Variants in AKR1C4 observed in about 807,000 individuals in gnomAD.
The protein encoded by AKR1C4 is aldo-keto reductase family 1 member C4.
A neutral mutation model predicts 41.0 loss-of-function variants in AKR1C4; 44 were observed. The observed-to-expected ratio is 1.07, with a 90% CI of 0.84 to 1.38. The LOEUF (loss-of-function observed/expected upper bound fraction) is 1.38, where lower values mean the gene tolerates loss of function less well. Among genes scored for constraint, AKR1C4 ranks in the 40% most tolerant of loss-of-function variants. AKR1C4 has a pLI of 0.00. For synonymous variants in AKR1C4, 165 were observed against 137.7 expected (o/e 1.20, Z -1.39); for missense variants, 438 against 387.9 (o/e 1.13, Z -1.09).
chr10:5,206,467 A>G, intron 5 of AKR1C4, 70 bp downstream of exon 5: 1 of 1,604,800 alleles, frequency 6.2e-7, no homozygotes, highest in Non-Finnish European at 8.5e-7. Flanking sequence ...CCTGGCTTCC[A>G]TTTGTTTTGT....
In AKR1C4 at chr10:5,202,934, TTCTTTTGTGTGTG is replaced by T. The variant is rs1331978350; in HGVS notation, c.253-1441_253-1429del. Among the ~76,000 whole-genome samples the T allele has an allele frequency of 1.2e-3, 114 of 98,232 alleles. 1 individual carries two copies. The highest frequency in any genetic ancestry group is 2.1e-3 in the Non-Finnish European group (95 of 45,764). 64.4% of individuals were successfully genotyped at this position (98,232 alleles called of 152,430 possible). On this transcript the variant is annotated intron_variant, in intron 2 of 8. Coordinates refer to ENST00000263126, the MANE Select transcript of AKR1C4 (RefSeq NM_001818.5). ...TCATCAGGGAGATTGGTCTATAGTT[TTCTTTTGTGTGTG>T]TGTGTGTGTGTGTGTGTGTGTGTGT...
intron 1 of AKR1C4, among the ~76,000 whole-genome samples, chr10:5,198,091 T>C (rs1400037317): frequency 6.6e-6 from 1 of 152,216 alleles, no homozygotes; most frequent in African/African-American, 2.4e-5. Flanking sequence ...GGTAGATAAG[T>C]CAATAATTTT....
Position 5,200,203 on chromosome 10 carries a change from A to G in AKR1C4, c.107A>G (p.Glu36Gly). Residue 36 changes from glutamate to glycine, a missense_variant, in exon 2 of 9, where the codon GAG becomes GGG. By Grantham distance (98) the Glu-to-Gly change is moderately conservative. Transcript: ENST00000263126. Reference sequence around the variant, plus strand: ...CAGGTTCCGAGGAACAGAGCTGTAGAGGTCACCAAATTAGCAATAGAAGCT... The same window carrying G: ...CAGGTTCCGAGGAACAGAGCTGTAGGGGTCACCAAATTAGCAATAGAAGCT... ...PPEVPRNRAV[E>G]VTKLAIEAGF... 3 of 1,613,964 alleles carry G rather than the reference A, an allele frequency of 1.9e-6. No individual in the cohort carries two copies. Among genetic ancestry groups the G allele is most frequent in the Non-Finnish European group, 2.5e-6 (3 of 1,179,860 alleles).
chr10:5,202,234 T>C (rs1832410386), intron 2 of AKR1C4, among the ~76,000 whole-genome samples: 1 of 152,166 alleles, frequency 6.6e-6, no homozygotes, highest in South Asian at 2.1e-4. Context: ...ATCTTTCATC[T>C]CTTTGGTTAA....
intron 2 of AKR1C4, among the ~76,000 whole-genome samples, chr10:5,203,021 T>TTC (rs1832426189): frequency 6.6e-6 from 1 of 151,346 alleles, no homozygotes; most frequent in Admixed American, 6.6e-5. Context: ...TGATACTGGC[T>TTC]TCATAGAATA....
At chr10:5,218,489 T>C (rs1462830293) in intron 8 of AKR1C4, among the ~76,000 whole-genome samples, 1 of 151,834 alleles carries the variant, frequency 6.6e-6, no homozygotes. Flanking sequence ...CCCTGTGTAG[T>C]TTGTGTGATA....
At position 5,209,036 on chromosome 10, in the gene AKR1C4, G is replaced by A. The variant is rs537558865; in HGVS notation, c.570+2639G>A. 3.3e-5 allele frequency among the ~76,000 whole-genome samples: 5 copies of A among 152,276 alleles called. No individual in the cohort carries two copies. The South Asian group carries it at 1.0e-3, about 32-fold the overall frequency. ...TACTTGAATGCTTTATATCATAGAA[G>A]TTAAACATTTTTGGTGAGAAACTGC... is the stretch of plus-strand genomic sequence containing the variant. On this transcript the variant is annotated intron_variant, in intron 5 of 8. Transcript: ENST00000263126.
chr10:5,205,865 G>A, intron 4 of AKR1C4, 31 bp downstream of exon 4: 5 of 1,594,046 alleles, frequency 3.1e-6, no homozygotes, highest in Non-Finnish European at 3.4e-6. Context: ...GTACAGAAAA[G>A]GAAGACAAGA....
intron 5 of AKR1C4, among the ~76,000 whole-genome samples, chr10:5,208,044 G>T (rs79860753): frequency 7.1e-6 from 1 of 141,258 alleles, no homozygotes; most frequent in Non-Finnish European, 1.5e-5. Flanking sequence ...TGCAAAGTTA[G>T]TGAAATAAAA....
intron 7 of AKR1C4, among the ~76,000 whole-genome samples, chr10:5,214,850 ATG>A (rs1832633205): frequency 6.6e-6 from 1 of 152,192 alleles, no homozygotes; most frequent in Non-Finnish European, 1.5e-5. Context: ...TATGTTAGCA[ATG>A]AGTGACATCT....
chr10:5,218,787 C>A lies in AKR1C4; in HGVS notation c.*27C>A. ...ATAGAGGGTGTTGCACGACATCTAG[C>A]AGAAGGCCCTGTGTGTGGATGGTGA... On this transcript the variant is annotated 3_prime_UTR_variant, in exon 9 of 9. Transcript: ENST00000263126. 1 of 1,589,278 alleles carries A rather than the reference C, an allele frequency of 6.3e-7. No individual in the cohort carries two copies. Among genetic ancestry groups the A allele is most frequent in the Non-Finnish European group, 8.6e-7 (1 of 1,157,684 alleles).
chr10:5,198,240 C>T (rs1006476629), intron 1 of AKR1C4, among the ~76,000 whole-genome samples: 6 of 152,010 alleles, frequency 3.9e-5, no homozygotes, highest in Non-Finnish European at 1.5e-5. Flanking sequence ...GTCTTTACTC[C>T]TAGTATTTAG....
chr10:5,215,161 TA>T (rs1832636888), intron 7 of AKR1C4, among the ~76,000 whole-genome samples: 1 of 152,176 alleles, frequency 6.6e-6, no homozygotes, highest in Non-Finnish European at 1.5e-5. Flanking sequence ...TTCATGTACT[TA>T]TAAGATTCGG....
intron 5 of AKR1C4, among the ~76,000 whole-genome samples, chr10:5,211,231 C>T (rs1429329709): frequency 6.6e-6 from 1 of 152,216 alleles, no homozygotes; most frequent in Non-Finnish European, 1.5e-5. Flanking sequence ...ACATTTGGCT[C>T]CTTGTTACTT....
At chr10:5,197,427 G>A (rs1832328129) in intron 1 of AKR1C4, among the ~76,000 whole-genome samples, 1 of 152,298 alleles carries the variant, frequency 6.6e-6, no homozygotes, top group East Asian at 1.9e-4. Context: ...GCTGCCGCGT[G>A]GTCTTGAGCA....
At chr10:5,214,787 C>T (rs1404060449) in intron 7 of AKR1C4, among the ~76,000 whole-genome samples, 1 of 151,578 alleles carries the variant, frequency 6.6e-6, no homozygotes, top group Non-Finnish European at 1.5e-5. Context: ...TATTCTTTTC[C>T]TCTCATTCTC....
chr10:5,210,050 C>G (rs117310669), intron 5 of AKR1C4, among the ~76,000 whole-genome samples: 16,905 of 152,254 alleles, frequency 0.11, 1,168 homozygotes, highest in Admixed American at 0.17. Context: ...AAGTTAGTTA[C>G]TTCCAGGATA....
At chr10:5,211,545 T>A (rs782055956) in intron 5 of AKR1C4, among the ~76,000 whole-genome samples, 2 of 152,216 alleles carry the variant, frequency 1.3e-5, no homozygotes, top group Non-Finnish European at 2.9e-5. Context: ...CATCTCCATC[T>A]GAGACCACCT....
At chr10:5,216,319 T>A (rs2225695) in intron 7 of AKR1C4, among the ~76,000 whole-genome samples, 148,813 of 152,318 alleles carry the variant, frequency 0.98, 72,792 homozygotes, top group Middle Eastern at 1. Flanking sequence ...GGGGAATTAC[T>A]TTTTAACATG....
Sources: gnomAD v4.1 joint callset for allele counts (sites outside exome capture counted in the v4.1 genomes callset) on GRCh38, gnomAD v4.1.1 for gene constraint, MANE v1.5 for transcripts, NCBI Gene and HGNC (gene_info 2026-07-23, HGNC 2026-07-21) for gene names.